FMO1: variants seen among roughly 807,000 people sequenced by gnomAD.
FMO1 encodes the protein flavin containing dimethylaniline monoxygenase 1, also known as flavin-containing monooxygenase 1.
FMO1 carries 36 observed loss-of-function variants against 45.4 expected under a neutral mutation model. The ratio of observed to expected loss-of-function variants is 0.79; its 90% CI spans 0.61 to 1.05. FMO1 has a LOEUF of 1.05. FMO1 is among the 50% of genes least tolerant of loss of function. The probability of loss-of-function intolerance (pLI) is 0.00; values close to 1 mark genes in which losing one functional copy is unlikely to be tolerated. For missense variants in FMO1, 615 were observed against 640.3 expected, an observed-to-expected ratio of 0.96 and a Z score of 0.43; for synonymous variants, 228 against 227.2, an observed-to-expected ratio of 1.00 and a Z score of -0.03.
intron 1 of FMO1, among the ~76,000 whole-genome samples, chr1:171,250,904 T>C (rs1258405700): frequency 6.6e-6 from 1 of 152,204 alleles, no homozygotes; most frequent in African/African-American, 2.4e-5. Context: ...TAAATATCTA[T>C]GCTGGGGTTC....
rs71561567 is a variant in FMO1 at position 171,261,321 on chromosome 1, G to GCACACACA, written c.132+3117_132+3124dup. Among the ~76,000 whole-genome samples the GCACACACA allele has an allele frequency of 2.1e-3, 305 of 148,032 alleles. 2 individuals are homozygous for GCACACACA. Among genetic ancestry groups the GCACACACA allele is most frequent in the African/African-American group, 6.8e-3 (273 of 40,182 alleles). On this transcript the variant is annotated intron_variant, in intron 2 of 8. Transcript: ENST00000617670. ...TTCCCTCCTTCCCCAACACACACAGGCACACACACACACACACACACAAAA... is the reference window on the plus strand; with the variant it reads ...TTCCCTCCTTCCCCAACACACACAGGCACACACACACACACACACACACACACACAAAA...
chr1:171,282,550 G>T (rs979474580), intron 7 of FMO1: 2 of 441,666 alleles, frequency 4.5e-6, no homozygotes, highest in African/African-American at 4.0e-5. Flanking sequence ...ATATTTTTTT[G>T]ATATACCAAA....
intron 6 of FMO1, 28 bp from the exon 7 acceptor site, chr1:171,281,950 T>C: frequency 1.4e-6 from 2 of 1,383,502 alleles, no homozygotes; most frequent in Non-Finnish European, 2.0e-6. Context: ...CACTGACAAG[T>C]CTCCTCCCTG....
rs553466191 is a variant in FMO1, at chr1:171,264,613, G to C, written c.133-2930G>C. On this transcript the variant is annotated intron_variant, in intron 2 of 8. Coordinates refer to ENST00000617670, the MANE Select transcript of FMO1 (RefSeq NM_001282693.2). ...TCTTATAAATGCACAATCTCGGACA[G>C]GGGCAGTGGCTCACGCCTGTAATCT... Among the ~76,000 whole-genome samples, 1,094 of 152,198 alleles carry C rather than the reference G, an allele frequency of 7.2e-3. 14 individuals carry two copies. Among genetic ancestry groups the C allele is most frequent in the African/African-American group, 0.025 (1,030 of 41,546 alleles).
In FMO1 at chr1:171,282,209, C is replaced by T; in HGVS notation, c.1059C>T (p.Tyr353=). 1 of 1,613,996 alleles carries T rather than the reference C, an allele frequency of 6.2e-7. No homozygotes were observed. Among genetic ancestry groups the T allele is most frequent in the Non-Finnish European group, 8.5e-7 (1 of 1,179,904 alleles). ...VKVEDGQASL[Y]KYIFPAHLQK... ...TTGAAGATGGCCAGGCCTCACTGTA[C>T]AAGTATATCTTCCCTGCACATCTGC... The change falls in exon 7 of 9, where the codon TAC becomes TAT. Residue 353 remains tyrosine, a synonymous_variant. Transcript: ENST00000617670.
intron 4 of FMO1, among the ~76,000 whole-genome samples, chr1:171,278,028 C>A (rs190567613): frequency 6.6e-6 from 1 of 152,200 alleles, no homozygotes; most frequent in East Asian, 1.9e-4. Flanking sequence ...ATTTTCAAAC[C>A]TTCTCCATTC....
At chr1:171,275,249 G>C in intron 3 of FMO1, 97 bp from the exon 4 acceptor site, 2 of 931,104 alleles carry the variant, frequency 2.1e-6, no homozygotes, top group Admixed American at 2.1e-5. Context: ...TGTTTATTCT[G>C]TGTTCTAGAA....
rs768581622 is a variant in FMO1 at position 171,280,747 on chromosome 1, C to T, written c.628-39C>T. 7 of 1,563,440 alleles carry T rather than the reference C, an allele frequency of 4.5e-6. No individual in the cohort carries two copies. The Admixed American group carries it at 1.0e-4, about 22-fold the overall frequency. On this transcript the variant is annotated intron_variant, in intron 5 of 8. Coordinates refer to ENST00000617670, the MANE Select transcript of FMO1 (RefSeq NM_001282693.2). ...TCTGGCAGAACCAGCCAGCCGTGTT[C>T]ACAGTGTCAAATGAAGGGATGTCTT...
rs1660821022 is a variant in FMO1 at position 171,270,750 on chromosome 1, G to A, written c.321+3019G>A. On this transcript the variant is annotated intron_variant, in intron 3 of 8. Coordinates refer to ENST00000617670, the MANE Select transcript of FMO1 (RefSeq NM_001282693.2). ...CCGCATACTGCACCAGGCAAGGTTA[G>A]TGGCTATTGAAAACACCACCAGGAG... The A allele has an allele frequency of 7.9e-6, 9 of 1,142,012 alleles. No individual in the cohort carries two copies. The South Asian group carries it at 2.2e-4, about 27-fold the overall frequency. The allele number at this position is 1,142,012 out of a possible 1,614,324, so 70.7% of individuals were successfully genotyped here. A position where few individuals can be genotyped will look rare whatever the true frequency, so the allele number is the denominator to read the frequency against.
chr1:171,272,341 A>C (rs773273352), intron 3 of FMO1, among the ~76,000 whole-genome samples: 2 of 152,234 alleles, frequency 1.3e-5, no homozygotes, highest in Non-Finnish European at 2.9e-5. Context: ...GATCTCATGG[A>C]AAACCTCTGC....
At chr1:171,285,040 G>A (rs993883670) in intron 8 of FMO1, among the ~76,000 whole-genome samples, 162 bp from the exon 9 acceptor site, 5 of 152,152 alleles carry the variant, frequency 3.3e-5, no homozygotes, top group Non-Finnish European at 4.4e-5. Context: ...CTTGATTTAA[G>A]AAACAGAAGG....
chr1:171,259,164 C>T (rs956182895), intron 2 of FMO1, among the ~76,000 whole-genome samples: 1 of 152,206 alleles, frequency 6.6e-6, no homozygotes, highest in African/African-American at 2.4e-5. Context: ...GAGAAAGACA[C>T]AGCATTTCTC....
At chr1:171,260,912 CAAAA>C (rs71561566) in intron 2 of FMO1, among the ~76,000 whole-genome samples, 3 of 53,684 alleles carry the variant, frequency 5.6e-5, no homozygotes, top group African/African-American at 1.6e-4. Flanking sequence ...GGCTCCATCT[CAAAA>C]AAAAAAAAAA....
At chr1:171,273,905 C>T (rs1420194599) in intron 3 of FMO1, among the ~76,000 whole-genome samples, 1 of 152,150 alleles carries the variant, frequency 6.6e-6, no homozygotes, top group African/African-American at 2.4e-5. Context: ...GTGGCCCACA[C>T]CTGTAATCCC....
At chr1:171,257,253 C>T (rs1660198108) in intron 1 of FMO1, among the ~76,000 whole-genome samples, 1 of 152,002 alleles carries the variant, frequency 6.6e-6, no homozygotes, top group Non-Finnish European at 1.5e-5. Context: ...AGCCTGGTTG[C>T]TTAATCAATG....
At chr1:171,252,867 T>C (rs1420539874) in intron 1 of FMO1, among the ~76,000 whole-genome samples, 2 of 152,356 alleles carry the variant, frequency 1.3e-5, no homozygotes, top group Middle Eastern at 3.4e-3. Context: ...AATATGAGTT[T>C]GTTTATTTAA....
Position 171,285,599 on chromosome 1 carries a change from C to T in FMO1, c.*55C>T. The T allele has an allele frequency of 9.4e-7, 1 of 1,068,682 alleles. No homozygotes were observed. The highest frequency in any genetic ancestry group is 1.6e-5 in the African/African-American group (1 of 62,610). The allele number at this position is 1,068,682 out of a possible 1,614,324, so 66.2% of individuals were successfully genotyped here. On this transcript the variant is annotated 3_prime_UTR_variant, in exon 9 of 9. Coordinates refer to ENST00000617670, the MANE Select transcript of FMO1 (RefSeq NM_001282693.2). Reference sequence around the variant, plus strand: ...AGAGTAGATTTACAATGCTCCAATTCCTCTCTTACAGCAATATTGCCTTCA... The same window carrying T: ...AGAGTAGATTTACAATGCTCCAATTTCTCTCTTACAGCAATATTGCCTTCA...
intron 3 of FMO1, among the ~76,000 whole-genome samples, chr1:171,269,902 AC>A (rs1375869951): frequency 2.6e-5 from 4 of 152,232 alleles, no homozygotes; most frequent in Non-Finnish European, 5.9e-5. Flanking sequence ...AATTAAAAAT[AC>A]TTTTAATGGA....
intron 1 of FMO1, among the ~76,000 whole-genome samples, chr1:171,251,326 G>A (rs984925520): frequency 2.0e-5 from 3 of 151,988 alleles, no homozygotes; most frequent in South Asian, 2.1e-4. Context: ...AGCTGGACTG[G>A]CAGGGCAGAA....
Sources: gnomAD v4.1 joint callset for allele counts (sites outside exome capture counted in the v4.1 genomes callset) on GRCh38, gnomAD v4.1.1 for gene constraint, MANE v1.5 for transcripts, NCBI Gene and HGNC (gene_info 2026-07-23, HGNC 2026-07-21) for gene names.